WWTR1: variants seen among roughly 807,000 people sequenced by gnomAD.
The protein encoded by WWTR1 is WW domain containing transcription regulator 1, also known as WW domain-containing transcription regulator protein 1.
WWTR1 carries 13 observed loss-of-function variants against 40.1 expected under a neutral mutation model. The ratio of observed to expected loss-of-function variants is 0.32; its 90% CI spans 0.21 to 0.52. WWTR1 has a LOEUF of 0.52. WWTR1 is among the 20% of genes least tolerant of loss of function. WWTR1 has a pLI of 0.97. For synonymous variants in WWTR1, 230 were observed against 210.1 expected, an observed-to-expected ratio of 1.09 and a Z score of -0.82; for missense variants, 436 against 523.1, an observed-to-expected ratio of 0.83 and a Z score of 1.63.
At chr3:149,650,569 ACT>A (rs1456108449) in intron 2 of WWTR1, among the ~76,000 whole-genome samples, 21 of 152,194 alleles carry the variant, frequency 1.4e-4, no homozygotes, top group Admixed American at 7.8e-4. Context: ...GCTGACTCTC[ACT>A]CTCTGCCTTG....
At chr3:149,604,105 G>A (rs546105456) in intron 2 of WWTR1, among the ~76,000 whole-genome samples, 1 of 152,238 alleles carries the variant, frequency 6.6e-6, no homozygotes, top group Non-Finnish European at 1.5e-5. Flanking sequence ...TACATAATAT[G>A]CAAAGCATTT....
chr3:149,587,941 G>C (rs1576581070), intron 2 of WWTR1, among the ~76,000 whole-genome samples: 1 of 152,194 alleles, frequency 6.6e-6, no homozygotes, highest in Middle Eastern at 3.4e-3. Flanking sequence ...TCTTTCTGAA[G>C]AGCAGTATAT....
intron 2 of WWTR1, among the ~76,000 whole-genome samples, chr3:149,620,564 T>TC (rs58236998): frequency 0.51 from 75,481 of 148,524 alleles, 20,808 homozygotes; most frequent in East Asian, 0.85. Context: ...CCTCCACCGC[T>TC]CCCCCCCACA....
intron 2 of WWTR1, among the ~76,000 whole-genome samples, chr3:149,602,902 C>T (rs1366873464): frequency 6.6e-6 from 1 of 152,014 alleles, no homozygotes; most frequent in East Asian, 1.9e-4. Context: ...TCAAGTGATC[C>T]GCTTGCCTGG....
chr3:149,538,848 A>C (rs1183635339), intron 4 of WWTR1, among the ~76,000 whole-genome samples: 1 of 152,234 alleles, frequency 6.6e-6, no homozygotes, highest in African/African-American at 2.4e-5. Context: ...GATTAAAGTT[A>C]ATTATTTTTC....
At chr3:149,672,599 A>G (rs2108193442) in intron 1 of WWTR1, among the ~76,000 whole-genome samples, 1 of 152,246 alleles carries the variant, frequency 6.6e-6, no homozygotes, top group South Asian at 2.1e-4. Flanking sequence ...TAACTTAAAA[A>G]GAAACATTTT....
upstream of WWTR1, chr3:149,658,149 C>G (rs1202377096): frequency 6.5e-6 from 1 of 154,330 alleles, no homozygotes; most frequent in Non-Finnish European, 1.4e-5. Context: ...CGCCCCTCCT[C>G]TTCCTCCTCC....
At chr3:149,644,863 A>AT (rs1576618649) in intron 2 of WWTR1, among the ~76,000 whole-genome samples, 2 of 151,620 alleles carry the variant, frequency 1.3e-5, no homozygotes, top group South Asian at 2.1e-4. Context: ...TTTTTTACTT[A>AT]TTTTTTTGAG....
In WWTR1 at chr3:149,518,805, T is replaced by G. The variant is rs967371535; in HGVS notation, c.*2000A>C. On this transcript the variant is annotated 3_prime_UTR_variant, in exon 7 of 7. Transcript: ENST00000360632. ...CGGTATAAAGGTGGCAACAGAAAAT[T>G]GTTGCTTTGTCCTTTTGGGGCATCT... 1.3e-5 allele frequency: 2 copies of G among 151,746 alleles called. No homozygotes were observed. The highest frequency in any genetic ancestry group is 2.9e-5 in the Non-Finnish European group (2 of 68,002). The allele number at this position is 151,746 out of a possible 1,614,324, so 9.4% of individuals were successfully genotyped here.
At chr3:149,672,627 T>A (rs1226989941) in intron 1 of WWTR1, among the ~76,000 whole-genome samples, 1 of 150,498 alleles carries the variant, frequency 6.6e-6, no homozygotes, top group Non-Finnish European at 1.5e-5. Context: ...ATATAGTTCT[T>A]AATAAGATGA....
intron 1 of WWTR1, among the ~76,000 whole-genome samples, chr3:149,679,576 T>C (rs577862208): frequency 9.9e-5 from 15 of 151,628 alleles, no homozygotes; most frequent in Non-Finnish European, 1.6e-4. Flanking sequence ...ATTATGCCCA[T>C]GATTATCCCT....
chr3:149,716,331 G>A (rs924043842), intron 5 of WWTR1, among the ~76,000 whole-genome samples: 2 of 150,802 alleles, frequency 1.3e-5, no homozygotes, highest in Admixed American at 6.6e-5. Context: ...GCAGTGAGCC[G>A]AGATCACACC....
chr3:149,590,681 A>G (rs1192992669), intron 2 of WWTR1, among the ~76,000 whole-genome samples: 1 of 152,188 alleles, frequency 6.6e-6, no homozygotes, highest in East Asian at 1.9e-4. Flanking sequence ...TGGGTGAAGT[A>G]AACCTACTTA....
chr3:149,570,760 A>G (rs1316973540), intron 3 of WWTR1, among the ~76,000 whole-genome samples: 3 of 152,270 alleles, frequency 2.0e-5, no homozygotes, highest in Admixed American at 6.5e-5. Context: ...GCATGTATGC[A>G]CATACAGGCA....
intron 2 of WWTR1, among the ~76,000 whole-genome samples, chr3:149,645,494 A>G (rs1712467053): frequency 1.3e-5 from 2 of 152,158 alleles, no homozygotes; most frequent in African/African-American, 4.8e-5. Context: ...TATAACTTTC[A>G]GTTCTGTTTG....
intron 3 of WWTR1, among the ~76,000 whole-genome samples, chr3:149,561,308 C>G (rs559848561): frequency 6.6e-4 from 100 of 150,566 alleles, no homozygotes; most frequent in Non-Finnish European, 1.1e-3. Context: ...AGAAGTATGT[C>G]CAAGTCTATT....
intron 2 of WWTR1, among the ~76,000 whole-genome samples, chr3:149,651,269 C>G (rs910125347): frequency 2.6e-5 from 4 of 152,004 alleles, no homozygotes; most frequent in African/African-American, 9.7e-5. Context: ...AACTTACCTC[C>G]TACAAACCAC....
intron 4 of WWTR1, among the ~76,000 whole-genome samples, chr3:149,530,616 T>G (rs1735530381): frequency 6.6e-6 from 1 of 151,600 alleles, no homozygotes; most frequent in Non-Finnish European, 1.5e-5. Flanking sequence ...TGTGTGTGTC[T>G]AAATATATAA....
At chr3:149,565,824 T>C (rs1278813780) in intron 3 of WWTR1, among the ~76,000 whole-genome samples, 7 of 151,494 alleles carry the variant, frequency 4.6e-5, no homozygotes, top group Admixed American at 2.6e-4. Context: ...GGCAGGAGAA[T>C]TGCTTGAACC....
Sources: gnomAD v4.1 joint callset for allele counts (sites outside exome capture counted in the v4.1 genomes callset) on GRCh38, gnomAD v4.1.1 for gene constraint, MANE v1.5 for transcripts, NCBI Gene and HGNC (gene_info 2026-07-23, HGNC 2026-07-21) for gene names.